KIAA0825: variants seen among roughly 807,000 people sequenced by gnomAD.
KIAA0825 encodes the protein uncharacterized protein KIAA0825.
In KIAA0825, 119 loss-of-function variants were observed where a neutral mutation model predicts 147.6. That is an observed-to-expected ratio of 0.81 (90% CI 0.69 to 0.94). The LOEUF is 0.94. Ranked by LOEUF, KIAA0825 falls within the 40% of genes least tolerant of loss-of-function variation. The pLI is 0.00. For synonymous variants in KIAA0825, 470 were observed against 518.1 expected (o/e 0.91, Z 1.26); for missense variants, 1,381 against 1,472.7 (o/e 0.94, Z 1.02).
chr5:94,352,794 A>T (rs371862471), intron 20 of KIAA0825, among the ~76,000 whole-genome samples: 46 of 152,350 alleles, frequency 3.0e-4, no homozygotes, highest in African/African-American at 1.1e-3. Flanking sequence ...ATGAGATTGG[A>T]GACTATTATT....
chr5:94,601,218 G>A (rs1786375136), intron 1 of KIAA0825, among the ~76,000 whole-genome samples: 1 of 152,130 alleles, frequency 6.6e-6, no homozygotes. Context: ...CAGAGGTAGC[G>A]GTAGGCTGCC....
intron 20 of KIAA0825, among the ~76,000 whole-genome samples, chr5:94,186,541 T>C (rs1234982526): frequency 6.6e-6 from 1 of 152,124 alleles, no homozygotes; most frequent in Non-Finnish European, 1.5e-5. Flanking sequence ...AATAAGCAAA[T>C]ATATGGTGAA....
intron 13 of KIAA0825, among the ~76,000 whole-genome samples, chr5:94,440,479 A>G (rs1342167892): frequency 6.6e-6 from 1 of 152,128 alleles, no homozygotes; most frequent in Non-Finnish European, 1.5e-5. Flanking sequence ...AATGCCTACT[A>G]TGTGCTATTA....
At chr5:94,156,834 T>C (rs1767068882) in intron 20 of KIAA0825, among the ~76,000 whole-genome samples, 1 of 152,214 alleles carries the variant, frequency 6.6e-6, no homozygotes, top group South Asian at 2.1e-4. Flanking sequence ...ATAGTTTTAC[T>C]CATATTGAAT....
chr5:94,223,359 T>C (rs1773836557), intron 20 of KIAA0825, among the ~76,000 whole-genome samples: 1 of 152,164 alleles, frequency 6.6e-6, no homozygotes, highest in South Asian at 2.1e-4. Context: ...GGGTCCCATA[T>C]CTGGGCTCCC....
At chr5:94,357,929 C>T (rs1023707929) in intron 20 of KIAA0825, among the ~76,000 whole-genome samples, 1 of 150,038 alleles carries the variant, frequency 6.7e-6, no homozygotes, top group African/African-American at 2.5e-5. Context: ...AAAAAAAAAG[C>T]TTTCCTCAAT....
chr5:94,257,569 AT>A (rs1479747578), intron 20 of KIAA0825, among the ~76,000 whole-genome samples: 1 of 152,086 alleles, frequency 6.6e-6, no homozygotes, highest in African/African-American at 2.4e-5. Context: ...AAAAAATTGG[AT>A]TTGAGGTTAG....
At chr5:94,580,243 T>A (rs1781834793) in intron 2 of KIAA0825, among the ~76,000 whole-genome samples, 1 of 152,132 alleles carries the variant, frequency 6.6e-6, no homozygotes, top group Admixed American at 6.5e-5. Context: ...AAGAAGAAGA[T>A]GAGAGCTAGA....
chr5:94,389,769 A>G (rs955535022), intron 18 of KIAA0825, among the ~76,000 whole-genome samples: 1 of 152,216 alleles, frequency 6.6e-6, no homozygotes. Flanking sequence ...TATGCTAGTC[A>G]GCTAGTCATG....
intron 20 of KIAA0825, among the ~76,000 whole-genome samples, chr5:94,335,687 C>G (rs1260501336): frequency 6.6e-6 from 1 of 152,014 alleles, no homozygotes; most frequent in African/African-American, 2.4e-5. Flanking sequence ...TTGATTATAT[C>G]AAGCATTTAT....
At chr5:94,186,112 A>G (rs886210903) in intron 20 of KIAA0825, among the ~76,000 whole-genome samples, 1 of 152,216 alleles carries the variant, frequency 6.6e-6, no homozygotes. Flanking sequence ...ACACATTAAT[A>G]TATCTGCAGC....
intron 7 of KIAA0825, 49 bp downstream of exon 7, chr5:94,477,062 T>G: frequency 7.9e-7 from 1 of 1,264,630 alleles, no homozygotes; most frequent in Non-Finnish European, 1.1e-6. Flanking sequence ...CACAGGCATA[T>G]GATGATATTA....
intron 7 of KIAA0825, among the ~76,000 whole-genome samples, chr5:94,475,013 T>C (rs565568771): frequency 6.6e-6 from 1 of 150,606 alleles, no homozygotes; most frequent in South Asian, 2.1e-4. Context: ...CGCTGGAACC[T>C]GGGAGGCGGA....
intron 20 of KIAA0825, among the ~76,000 whole-genome samples, chr5:94,278,123 G>A (rs573902833): frequency 1.2e-4 from 18 of 152,176 alleles, no homozygotes; most frequent in African/African-American, 4.1e-4. Flanking sequence ...GGGGTTGGGG[G>A]CAAGTGGAGG....
At chr5:94,208,751 GTGAACGTAT>G (rs1345901298) in intron 20 of KIAA0825, among the ~76,000 whole-genome samples, 1 of 152,234 alleles carries the variant, frequency 6.6e-6, no homozygotes, top group Non-Finnish European at 1.5e-5. Context: ...GCATGGAAAT[GTGAACGTAT>G]TAGAGTGTTT....
intron 20 of KIAA0825, among the ~76,000 whole-genome samples, chr5:94,378,063 C>A (rs1308467348): frequency 6.6e-6 from 1 of 152,114 alleles, no homozygotes; most frequent in Non-Finnish European, 1.5e-5. Context: ...TTAATCTGAG[C>A]AAAATTTACA....
intron 20 of KIAA0825, among the ~76,000 whole-genome samples, chr5:94,340,730 C>G (rs1394375453): frequency 6.6e-6 from 1 of 152,152 alleles, no homozygotes; most frequent in African/African-American, 2.4e-5. Flanking sequence ...AAAAGCACAG[C>G]AAGCTATACC....
chr5:94,343,638 G>A (rs551646431), intron 20 of KIAA0825, among the ~76,000 whole-genome samples: 9 of 152,180 alleles, frequency 5.9e-5, no homozygotes, highest in South Asian at 2.1e-4. Flanking sequence ...GCAGTGAGCC[G>A]AGATGGTGCC....
At chr5:94,405,665 C>T (rs1751954269) in intron 15 of KIAA0825, among the ~76,000 whole-genome samples, 1 of 152,136 alleles carries the variant, frequency 6.6e-6, no homozygotes, top group African/African-American at 2.4e-5. Flanking sequence ...GTCTAATTTT[C>T]TCACTTTTTG....
Sources: gnomAD v4.1 joint callset for allele counts (sites outside exome capture counted in the v4.1 genomes callset) on GRCh38, gnomAD v4.1.1 for gene constraint, MANE v1.5 for transcripts, NCBI Gene and HGNC (gene_info 2026-07-23, HGNC 2026-07-21) for gene names.